The following FGGY variants were observed in gnomAD, a reference collection of about 807,000 sequenced individuals.
FGGY encodes FGGY carbohydrate kinase domain containing.
FGGY carries 72 observed loss-of-function variants against 71.3 expected under a neutral mutation model. That is an observed-to-expected ratio of 1.01 (90% confidence interval 0.84 to 1.23). FGGY has a LOEUF of 1.23. Ranked by LOEUF, FGGY falls within the 50% of genes most tolerant of loss-of-function variation. The pLI, the probability that FGGY is intolerant of heterozygous loss-of-function variation, is 0.00. For missense variants in FGGY, 668 were observed against 682.3 expected, an observed-to-expected ratio of 0.98 and a Z score of 0.23; for synonymous variants, 251 against 250.3, an observed-to-expected ratio of 1.00 and a Z score of -0.02.
intron 6 of FGGY, among the ~76,000 whole-genome samples, chr1:59,483,321 T>A (rs2093556781): frequency 6.6e-6 from 1 of 152,170 alleles, no homozygotes; most frequent in Non-Finnish European, 1.5e-5. Context: ...ATTTACTGAG[T>A]ATACCCTTTG....
At chr1:59,343,480 C>G (rs2051134124) in intron 3 of FGGY, among the ~76,000 whole-genome samples, 1 of 152,184 alleles carries the variant, frequency 6.6e-6, no homozygotes, top group African/African-American at 2.4e-5. Flanking sequence ...CAGCTCCAGG[C>G]TCAGCTAACT....
intron 4 of FGGY, among the ~76,000 whole-genome samples, chr1:59,356,206 G>A (rs2054283595): frequency 6.6e-6 from 1 of 152,072 alleles, no homozygotes; most frequent in African/African-American, 2.4e-5. Flanking sequence ...TTAGGCTGTG[G>A]GAATTTGTTC....
At chr1:59,623,429 A>G (rs1431050247) in intron 9 of FGGY, among the ~76,000 whole-genome samples, 1 of 152,218 alleles carries the variant, frequency 6.6e-6, no homozygotes, top group Non-Finnish European at 1.5e-5. Context: ...ACAAATAGAT[A>G]CAAATGCAAA....
chr1:59,464,072 G>A (rs1425715532), intron 6 of FGGY, among the ~76,000 whole-genome samples: 1 of 152,182 alleles, frequency 6.6e-6, no homozygotes, highest in Non-Finnish European at 1.5e-5. Flanking sequence ...GTTCTTCTGA[G>A]CACCACATTG....
chr1:59,638,034 C>T (rs937029169), intron 10 of FGGY, among the ~76,000 whole-genome samples, 194 bp from the exon 11 acceptor site: 3 of 152,144 alleles, frequency 2.0e-5, no homozygotes, highest in Admixed American at 6.5e-5. Context: ...GACTCCAAAC[C>T]TTTCTACTAG....
intron 5 of FGGY, among the ~76,000 whole-genome samples, chr1:59,439,947 A>G (rs2069381118): frequency 6.6e-6 from 1 of 152,184 alleles, no homozygotes; most frequent in East Asian, 1.9e-4. Flanking sequence ...CGATCCAGCC[A>G]GGCTGGTGGG....
At chr1:59,617,519 A>T (rs2096768266) in intron 9 of FGGY, among the ~76,000 whole-genome samples, 1 of 152,058 alleles carries the variant, frequency 6.6e-6, no homozygotes, top group Non-Finnish European at 1.5e-5. Flanking sequence ...CCTAAGGATG[A>T]TTGATTTTAG....
At chr1:59,719,125 C>T (rs939794375) in intron 14 of FGGY, among the ~76,000 whole-genome samples, 1 of 152,186 alleles carries the variant, frequency 6.6e-6, no homozygotes, top group Admixed American at 6.5e-5. Context: ...AGGGCCTGTC[C>T]CTGGCAGCTT....
At chr1:59,490,547 T>G (rs1474559517) in intron 6 of FGGY, among the ~76,000 whole-genome samples, 1 of 152,174 alleles carries the variant, frequency 6.6e-6, no homozygotes, top group Non-Finnish European at 1.5e-5. Flanking sequence ...AAAAATTTTT[T>G]CTTTTGTTGC....
At chr1:59,731,410 C>T (rs777830516) in intron 14 of FGGY, among the ~76,000 whole-genome samples, 1 of 152,228 alleles carries the variant, frequency 6.6e-6, no homozygotes, top group South Asian at 2.1e-4. Context: ...GGAAGCTTCC[C>T]GGTGAAGAGG....
At chr1:59,397,444 A>T (rs2061458300) in intron 5 of FGGY, among the ~76,000 whole-genome samples, 1 of 152,272 alleles carries the variant, frequency 6.6e-6, no homozygotes, top group African/African-American at 2.4e-5. Flanking sequence ...ATTTGGTGGT[A>T]TCACAACAAG....
chr1:59,569,837 G>T (rs564728011), intron 8 of FGGY, among the ~76,000 whole-genome samples: 5 of 152,180 alleles, frequency 3.3e-5, no homozygotes, highest in South Asian at 4.2e-4. Context: ...TAAGTGATTT[G>T]TTCAGTGTCC....
At chr1:59,618,203 C>T (rs978152331) in intron 9 of FGGY, among the ~76,000 whole-genome samples, 1 of 152,060 alleles carries the variant, frequency 6.6e-6, no homozygotes, top group South Asian at 2.1e-4. Context: ...ATAGATAGTA[C>T]AATCACTATA....
At chr1:59,569,799 C>CT (rs1558386420) in intron 8 of FGGY, among the ~76,000 whole-genome samples, 1 of 152,084 alleles carries the variant, frequency 6.6e-6, no homozygotes, top group Admixed American at 6.6e-5. Context: ...CAGATGTTTT[C>CT]TTTTTTTCAA....
chr1:59,514,526 C>G (rs1049398565), intron 7 of FGGY, among the ~76,000 whole-genome samples: 1 of 152,158 alleles, frequency 6.6e-6, no homozygotes, highest in African/African-American at 2.4e-5. Flanking sequence ...TTTTGTTCCC[C>G]GTAAAATGCA....
intron 2 of FGGY, among the ~76,000 whole-genome samples, chr1:59,325,683 T>C (rs1359025991): frequency 6.6e-6 from 1 of 152,252 alleles, no homozygotes; most frequent in Non-Finnish European, 1.5e-5. Flanking sequence ...GGCTGTTGAA[T>C]GAATGTTACT....
intron 5 of FGGY, among the ~76,000 whole-genome samples, chr1:59,401,036 T>C (rs1014572791): frequency 1.3e-5 from 2 of 152,206 alleles, no homozygotes; most frequent in Non-Finnish European, 2.9e-5. Context: ...AGTAGTATTT[T>C]GCTTTGTATT....
At chr1:59,489,548 T>C (rs909954924) in intron 6 of FGGY, among the ~76,000 whole-genome samples, 3 of 152,170 alleles carry the variant, frequency 2.0e-5, no homozygotes. Flanking sequence ...TGACAGGATT[T>C]TGTTGTTTTT....
intron 14 of FGGY, among the ~76,000 whole-genome samples, chr1:59,711,648 G>A (rs143594188): frequency 3.3e-5 from 5 of 152,306 alleles, no homozygotes; most frequent in African/African-American, 1.2e-4. Context: ...ATGGCACAAG[G>A]CAAGGAGGAG....
Sources: gnomAD v4.1 joint callset for allele counts (sites outside exome capture counted in the v4.1 genomes callset) on GRCh38, gnomAD v4.1.1 for gene constraint, MANE v1.5 for transcripts, NCBI Gene and HGNC (gene_info 2026-07-23, HGNC 2026-07-21) for gene names.